The following UBR4 variants were observed in gnomAD, a reference collection of about 807,000 sequenced individuals.
UBR4 encodes the protein E3 ubiquitin-protein ligase UBR4.
Under a neutral mutation model 575.6 loss-of-function variants are expected in UBR4, and 124 were observed. That is an observed-to-expected ratio of 0.22 (90% confidence interval 0.19 to 0.25). The LOEUF is 0.25. Among genes scored for constraint, UBR4 ranks in the 10% least tolerant of loss-of-function variants. The pLI, the probability that UBR4 is intolerant of heterozygous loss-of-function variation, is 1.00. For missense variants in UBR4, 4,818 were observed against 6,478.8 expected, an observed-to-expected ratio of 0.74 and a Z score of 8.80; for synonymous variants, 2,455 against 2,473.7, an observed-to-expected ratio of 0.99 and a Z score of 0.22.
intron 90 of UBR4, among the ~76,000 whole-genome samples, chr1:19,099,378 G>A (rs2078388303): frequency 6.6e-6 from 1 of 152,132 alleles, no homozygotes; most frequent in African/African-American, 2.4e-5. Flanking sequence ...TTGCTTTCCT[G>A]AAGCTTCATG....
chr1:19,077,431 G>A (rs1159867739), intron 104 of UBR4, among the ~76,000 whole-genome samples: 1 of 152,198 alleles, frequency 6.6e-6, no homozygotes, highest in East Asian at 1.9e-4. Context: ...GGTGACAGGA[G>A]TGATCTCAGC....
At position 19,095,657 on chromosome 1, in the gene UBR4, C is replaced by G. The variant is rs751279319; in HGVS notation, c.13519-5G>C. 5 of 1,613,706 alleles carry G rather than the reference C, an allele frequency of 3.1e-6. No individual in the cohort carries two copies. The highest frequency in any genetic ancestry group is 1.1e-5 in the South Asian group (1 of 91,038). On this transcript the variant is annotated splice_region_variant and splice_polypyrimidine_tract_variant and intron_variant, in intron 92 of 105. Transcript: ENST00000375254. ...ACTGAACAATTTCAGTAGCACCTGA[C>G]AAGAAAAGCCAGTCAAAACCCATGA... is the stretch of plus-strand genomic sequence containing the variant.
chr1:19,089,126 A>G lies in UBR4; in HGVS notation c.14212-149T>C. 1.3e-6 allele frequency: 1 copy of G among 768,982 alleles called. No individual in the cohort carries two copies. The highest frequency in any genetic ancestry group is 2.1e-6 in the Non-Finnish European group (1 of 480,134). The allele number at this position is 768,982 out of a possible 1,614,324, so 47.6% of individuals were successfully genotyped here. On this transcript the variant is annotated intron_variant, in intron 97 of 105. Transcript: ENST00000375254. The surrounding 1 kb of genome is among the most constrained non-coding windows in gnomAD (Gnocchi z 4.3). ...TCAGGTCCTTTGATTCCACACTTTG[A>G]CAGACACAGACAAATGGAAGAGGGT...
At chr1:19,187,661 GA>G (rs144801649) in intron 11 of UBR4, 121 bp from the exon 12 acceptor site, 248 of 745,472 alleles carry the variant, frequency 3.3e-4, no homozygotes, top group Non-Finnish European at 4.3e-4. Flanking sequence ...TGGACCTTCA[GA>G]AAAAAAAAAT....
intron 60 of UBR4, among the ~76,000 whole-genome samples, chr1:19,130,297 T>A (rs961331551): frequency 8.5e-5 from 13 of 152,192 alleles, no homozygotes; most frequent in Non-Finnish European, 1.9e-4. Context: ...GTAGCTCACG[T>A]CTTTCAACAC....
At chr1:19,143,950 G>A in intron 55 of UBR4, 30 bp downstream of exon 55, 1 of 1,601,602 alleles carries the variant, frequency 6.2e-7, no homozygotes, top group Non-Finnish European at 8.6e-7. Flanking sequence ...CCAAATACAG[G>A]CTTGAGCCTA....
chr1:19,111,021 C>T (rs1456145882), intron 78 of UBR4, among the ~76,000 whole-genome samples, 189 bp from the exon 79 acceptor site: 1 of 152,150 alleles, frequency 6.6e-6, no homozygotes, highest in African/African-American at 2.4e-5. Flanking sequence ...ATAAAGGGCC[C>T]ATTACAGCCG....
At chr1:19,120,097 T>C in intron 69 of UBR4, 83 bp downstream of exon 69, 1 of 1,500,066 alleles carries the variant, frequency 6.7e-7, no homozygotes, top group East Asian at 2.3e-5. Context: ...TGTGACCATA[T>C]GTAACCGAAA....
chr1:19,110,972 G>C lies in UBR4; in HGVS notation c.11802-140C>G, dbSNP rs976932441. On this transcript the variant is annotated intron_variant, in intron 78 of 105. Coordinates refer to ENST00000375254, the MANE Select transcript of UBR4 (RefSeq NM_020765.3). The surrounding 1 kb of genome is among the most constrained non-coding windows in gnomAD (Gnocchi z 4.5). Reference sequence around the variant, plus strand: ...ATTTTCTACTTCCTTCCCGGGGCAAGACTAGAACTTTAGCTTCACAAAACC... The same window carrying C: ...ATTTTCTACTTCCTTCCCGGGGCAACACTAGAACTTTAGCTTCACAAAACC... The C allele has an allele frequency of 2.5e-6, 2 of 803,164 alleles. No homozygotes were observed. Among genetic ancestry groups the C allele is most frequent in the Non-Finnish European group, 3.9e-6 (2 of 514,926 alleles). The allele number at this position is 803,164 out of a possible 1,614,324, so 49.8% of individuals were successfully genotyped here.
intron 87 of UBR4, 83 bp from the exon 88 acceptor site, chr1:19,101,724 C>G: frequency 1.3e-6 from 2 of 1,542,498 alleles, no homozygotes; most frequent in South Asian, 2.4e-5. Context: ...AGTACCATCA[C>G]TGACAAATTA....
chr1:19,163,075 C>T (rs1041520721), intron 34 of UBR4, among the ~76,000 whole-genome samples: 1 of 152,158 alleles, frequency 6.6e-6, no homozygotes, highest in Non-Finnish European at 1.5e-5. Flanking sequence ...AAAATTCTAG[C>T]AAATCATTGC....
chr1:19,146,180 G>A (rs138160930), intron 52 of UBR4: 40 of 1,280,318 alleles, frequency 3.1e-5, no homozygotes, highest in South Asian at 2.0e-4. Context: ...GATGTTTACC[G>A]CAGATTCAAA....
At chr1:19,160,547 T>A (rs1231806552) in intron 38 of UBR4, among the ~76,000 whole-genome samples, 1 of 152,200 alleles carries the variant, frequency 6.6e-6, no homozygotes, top group Non-Finnish European at 1.5e-5. Flanking sequence ...TCATATGAAA[T>A]GAGCTAACTT....
chr1:19,155,055 C>T lies in UBR4; in HGVS notation c.6321G>A (p.Ala2107=), dbSNP rs763837326. ...EDLKDSNSQV[A]GGGVSVYYSH... ...AGTAGTACACGGACACACCACCGCC[C>T]GCCACCTGGCTGTTACTGTCCTGCT... is the stretch of plus-strand genomic sequence containing the variant. Residue 2107 remains alanine, a synonymous_variant, in exon 44 of 106, where the codon GCG becomes GCA. Transcript: ENST00000375254. 46 of 1,613,822 alleles carry T rather than the reference C, an allele frequency of 2.9e-5. No individual in the cohort carries two copies. The highest frequency in any genetic ancestry group is 1.9e-4 in the African/African-American group (14 of 74,902).
intron 8 of UBR4, among the ~76,000 whole-genome samples, chr1:19,196,396 T>C (rs889371570): frequency 3.9e-5 from 6 of 152,214 alleles, no homozygotes; most frequent in African/African-American, 1.4e-4. Context: ...TCTCCAAGAC[T>C]ATCTGCTCAA....
At chr1:19,104,783 G>A (rs927917339) in intron 85 of UBR4, 117 bp from the exon 86 acceptor site, 43 of 1,212,876 alleles carry the variant, frequency 3.5e-5, no homozygotes, top group Middle Eastern at 3.8e-4. Context: ...CTTCTTAATC[G>A]AACCCTTGCA....
At chr1:19,156,987 G>GT in intron 40 of UBR4, 62 bp from the exon 41 acceptor site, 1 of 1,557,312 alleles carries the variant, frequency 6.4e-7, no homozygotes, top group South Asian at 1.2e-5. Flanking sequence ...GTCAAAGCAA[G>GT]TAACAAAAAC....
intron 39 of UBR4, among the ~76,000 whole-genome samples, chr1:19,159,061 G>A (rs763460965): frequency 2.7e-4 from 41 of 152,224 alleles, no homozygotes; most frequent in Middle Eastern, 3.4e-3. Context: ...CATGAGAATC[G>A]CTGGAACCAG....
intron 97 of UBR4, among the ~76,000 whole-genome samples, chr1:19,092,188 T>C (rs1473739850): frequency 6.6e-6 from 1 of 152,180 alleles, no homozygotes. Context: ...ATGGCACTGA[T>C]GTCTATATCC....
Sources: allele counts gnomAD v4.1 joint callset (sites outside exome capture counted in the v4.1 genomes callset), GRCh38; gene constraint gnomAD v4.1.1; non-coding constraint Gnocchi (gnomAD v3.1); transcripts MANE v1.5; gene names NCBI Gene and HGNC (gene_info 2026-07-23, HGNC 2026-07-21).